Variants in AIMP2 observed in about 807,000 individuals in gnomAD.
AIMP2 encodes the protein aminoacyl tRNA synthase complex-interacting multifunctional protein 2.
AIMP2 carries 20 observed loss-of-function variants against 23.4 expected under a neutral mutation model. The observed-to-expected ratio is 0.85, with a 90% CI of 0.60 to 1.24. The LOEUF (loss-of-function observed/expected upper bound fraction) is 1.24, where lower values mean the gene tolerates loss of function less well. AIMP2 is among the 50% of genes most tolerant of loss of function. The pLI is 0.00. For synonymous variants in AIMP2, 210 were observed against 170.4 expected (o/e 1.23, Z -1.81); for missense variants, 515 against 414.5 (o/e 1.24, Z -2.10).
chr7:6,009,817 G>A (rs1260843044), intron 1 of AIMP2, among the ~76,000 whole-genome samples: 1 of 150,066 alleles, frequency 6.7e-6, no homozygotes, highest in Non-Finnish European at 1.5e-5. Context: ...CGGGTGTGGT[G>A]AGGCGCCTGT....
At chr7:6,013,631 G>A (rs1273654564) in intron 1 of AIMP2, among the ~76,000 whole-genome samples, 1 of 152,114 alleles carries the variant, frequency 6.6e-6, no homozygotes, top group Non-Finnish European at 1.5e-5. Flanking sequence ...TAGAATGGGT[G>A]CGAGGTGGAA....
rs1787125814 is a variant in AIMP2, at chr7:6,017,936, C to G, written c.465C>G (p.His155Gln). The G allele has an allele frequency of 1.2e-6, 2 of 1,614,074 alleles. No homozygotes were observed. The highest frequency in any genetic ancestry group is 1.1e-5 in the South Asian group (1 of 91,080). The change falls in exon 3 of 4, where the codon CAC (histidine) becomes CAG (glutamine). Residue 155 changes from histidine (H) to glutamine (Q), a missense_variant. Coordinates refer to ENST00000223029, the MANE Select transcript of AIMP2 (RefSeq NM_006303.4). ...HFRVLSTVHT[H>Q]SSVKSVPENL... The stretch of plus-strand genomic sequence containing the variant: ...GGGTCCTGTCCACGGTGCACACGCA[C>G]TCCTCGGTCAAGAGCGTGCCTGAAA...
intron 1 of AIMP2, 64 bp downstream of exon 1, chr7:6,009,562 C>A (rs1386365863): frequency 3.0e-6 from 4 of 1,349,538 alleles, no homozygotes; most frequent in Non-Finnish European, 3.8e-6. Context: ...CCCGGGTCCC[C>A]CCAGGCCGGA....
chr7:6,017,476 A>G (rs1787092060), intron 2 of AIMP2, among the ~76,000 whole-genome samples: 1 of 150,908 alleles, frequency 6.6e-6, no homozygotes, highest in Non-Finnish European at 1.5e-5. Context: ...GTGAGCAGAG[A>G]TCATCCACTG....
chr7:6,012,746 A>G, intron 1 of AIMP2: 12 of 772,470 alleles, frequency 1.6e-5, no homozygotes, highest in Non-Finnish European at 2.1e-5. Context: ...TTCAGTAGAA[A>G]TGGAGTTTCA....
In AIMP2 at chr7:6,018,060, C is replaced by T. The variant is rs1338527772; in HGVS notation, c.574+15C>T. 3.1e-6 allele frequency: 5 copies of T among 1,594,728 alleles called. No individual in the cohort carries two copies. The highest frequency in any genetic ancestry group is 1.3e-5 in the African/African-American group (1 of 74,508). On this transcript the variant is annotated intron_variant, in intron 3 of 3. Transcript: ENST00000223029. Reference sequence around the variant, plus strand: ...TTGGAAGAATGGTAAGTAGACGGGACTGAGTTCAACTTACACACAGCTGCC... The same window carrying T: ...TTGGAAGAATGGTAAGTAGACGGGATTGAGTTCAACTTACACACAGCTGCC...
At chr7:6,014,597 A>G (rs1380551085) in intron 1 of AIMP2, among the ~76,000 whole-genome samples, 6 of 152,016 alleles carry the variant, frequency 3.9e-5, no homozygotes, top group African/African-American at 9.6e-5. Context: ...GCAGGGACCT[A>G]TTGGACTATG....
At chr7:6,013,495 A>G (rs1786828912) in intron 1 of AIMP2, among the ~76,000 whole-genome samples, 1 of 152,056 alleles carries the variant, frequency 6.6e-6, no homozygotes, top group African/African-American at 2.4e-5. Flanking sequence ...TCCTGACCTC[A>G]GGTGATCTGC....
rs780570820 is a variant in AIMP2 at position 6,023,361 on chromosome 7, G to C, written c.633G>C (p.Gly211=). The C allele has an allele frequency of 6.2e-7, 1 of 1,613,640 alleles. No homozygotes were observed. The highest frequency in any genetic ancestry group is 1.1e-5 in the South Asian group (1 of 90,984). Residue 211 remains glycine, a synonymous_variant, in exon 4 of 4, where the codon GGG becomes GGC. Transcript: ENST00000223029. ...CGATGTGCCCCATCGAAGGCGAAGG[G>C]AACATTGCACGTTTCTTGTTCTCTC... ...IQTMCPIEGE[G]NIARFLFSLF... is the part of the protein sequence containing the mutation.
chr7:6,017,912 G>C lies in AIMP2; in HGVS notation c.441G>C (p.Arg147Ser), dbSNP rs761028688. 2 of 1,614,020 alleles carry C rather than the reference G, an allele frequency of 1.2e-6. No homozygotes were observed. Among genetic ancestry groups the C allele is most frequent in the Non-Finnish European group, 1.7e-6 (2 of 1,180,020 alleles). Residue 147 changes from arginine to serine, a missense_variant, in exon 3 of 4, where the codon AGG (arginine) becomes AGC (serine). Arg to Ser is a moderately radical substitution (Grantham distance 110, BLOSUM62 -1). Transcript: ENST00000223029. ...ACAGGCTGCTCTGTGAGCACTTCAG[G>C]GTCCTGTCCACGGTGCACACGCACT... ...VLHRLLCEHFRVLSTVHTHSS... is the reference protein window; with the variant it reads ...VLHRLLCEHFSVLSTVHTHSS...
Position 6,015,355 on chromosome 7 carries a change from A to C in AIMP2, c.342+3A>C. The C allele has an allele frequency of 1.2e-6, 2 of 1,613,970 alleles. No homozygotes were observed. The highest frequency in any genetic ancestry group is 1.7e-6 in the Non-Finnish European group (2 of 1,179,880). On this transcript the variant is annotated splice_donor_region_variant and intron_variant, in intron 2 of 3. Coordinates refer to ENST00000223029, the MANE Select transcript of AIMP2 (RefSeq NM_006303.4). Reference sequence around the variant, plus strand: ...ACTTGAATTCAGTGCTTGGGAAGGTAGGTTCGTTTTGAAAGCTGAAACGTT... The same window carrying C: ...ACTTGAATTCAGTGCTTGGGAAGGTCGGTTCGTTTTGAAAGCTGAAACGTT...
chr7:6,018,151 T>TC (rs1230757568), intron 3 of AIMP2, 106 bp downstream of exon 3: 9 of 804,698 alleles, frequency 1.1e-5, no homozygotes, highest in Admixed American at 6.6e-5. Flanking sequence ...TTTTTCTTTT[T>TC]TTTTTTTTTT....
chr7:6,009,578 C>T lies in AIMP2; in HGVS notation c.135+80C>T, dbSNP rs2302335. The T allele has an allele frequency of 0.2, 259,835 of 1,295,676 alleles. 26,912 individuals carry two copies. The highest frequency in any genetic ancestry group is 0.29 in the African/African-American group (18,188 of 63,794). 80.3% of individuals were successfully genotyped at this position (1,295,676 alleles called of 1,614,324 possible). On this transcript the variant is annotated intron_variant, in intron 1 of 3. Coordinates refer to ENST00000223029, the MANE Select transcript of AIMP2 (RefSeq NM_006303.4). ...CCGGGTCCCCCCAGGCCGGAGCGAG[C>T]GCGTCCCAACCGGTTCACGGCCCCA... is the stretch of plus-strand genomic sequence containing the variant.
At chr7:6,018,691 G>A (rs540235939) in intron 3 of AIMP2, among the ~76,000 whole-genome samples, 15 of 151,552 alleles carry the variant, frequency 9.9e-5, no homozygotes, top group Middle Eastern at 6.9e-3. Flanking sequence ...AAACTTAGCC[G>A]GGTGTGGTAG....
At chr7:6,014,102 T>G (rs1482659007) in intron 1 of AIMP2, among the ~76,000 whole-genome samples, 1 of 152,192 alleles carries the variant, frequency 6.6e-6, no homozygotes, top group East Asian at 1.9e-4. Context: ...TGCTACTTAT[T>G]TAAGCAAAGT....
intron 1 of AIMP2, among the ~76,000 whole-genome samples, chr7:6,009,868 G>A (rs1786438327): frequency 7.0e-6 from 1 of 143,110 alleles, no homozygotes; most frequent in South Asian, 2.3e-4. Context: ...AGAATCGTTT[G>A]AACCCTGGAG....
intron 3 of AIMP2, 145 bp from the exon 4 acceptor site, chr7:6,023,158 G>C: frequency 2.1e-6 from 2 of 955,426 alleles, no homozygotes; most frequent in South Asian, 3.6e-5. Flanking sequence ...CTTAGAGACA[G>C]ACTGAAAATG....
Position 6,009,405 on chromosome 7 carries a change from G to A in AIMP2, c.42G>A (p.Ala14=), listed in dbSNP as rs149823057. ...TAAAGCCCTATCACGGGGGCGGCGC[G>A]CCTCTCCGTGTGGAGCTTCCCACCT... ...YQVKPYHGGG[A]PLRVELPTCM... is the part of the protein sequence containing the mutation. Residue 14 remains alanine, a synonymous_variant, in exon 1 of 4, where the codon GCG becomes GCA. Coordinates refer to ENST00000223029, the MANE Select transcript of AIMP2 (RefSeq NM_006303.4). 75 of 1,611,450 alleles carry A rather than the reference G, an allele frequency of 4.7e-5. No homozygotes were observed. Among genetic ancestry groups the A allele is most frequent in the Non-Finnish European group, 6.0e-5 (71 of 1,179,984 alleles).
chr7:6,015,191 G>C lies in AIMP2; in HGVS notation c.181G>C (p.Asp61His), dbSNP rs1000124086. The change falls in exon 2 of 4, where the codon GAT (aspartate) becomes CAT (histidine). Residue 61 changes from aspartate (D) to histidine (H), a missense_variant. Asp to His is a moderately conservative substitution (Grantham distance 81). Coordinates refer to ENST00000223029, the MANE Select transcript of AIMP2 (RefSeq NM_006303.4). ...GCAAGCTCTTGAGTCCCGCCAAGAT[G>C]ATATTTTAAAACGTCTGTATGAGTT... Reference protein sequence around the residue: ...SLQALESRQDDILKRLYELKA... With the variant: ...SLQALESRQDHILKRLYELKA... 1 of 1,614,032 alleles carries C rather than the reference G, an allele frequency of 6.2e-7. No homozygotes were observed. The highest frequency in any genetic ancestry group is 8.5e-7 in the Non-Finnish European group (1 of 1,180,018).
Sources: allele counts gnomAD v4.1 joint callset (sites outside exome capture counted in the v4.1 genomes callset), GRCh38; gene constraint gnomAD v4.1.1; transcripts MANE v1.5; gene names NCBI Gene and HGNC (gene_info 2026-07-23, HGNC 2026-07-21).